Variants in CADPS2 observed in about 807,000 individuals in gnomAD.
The protein encoded by CADPS2 is calcium dependent secretion activator 2.
In CADPS2, 93 loss-of-function variants were observed where a neutral mutation model predicts 172.5. That is an observed-to-expected ratio of 0.54 (90% CI 0.46 to 0.64). The LOEUF (loss-of-function observed/expected upper bound fraction) is 0.64, where lower values mean the gene tolerates loss of function less well. Ranked by LOEUF, CADPS2 falls within the 30% of genes least tolerant of loss-of-function variation. The pLI, the probability that CADPS2 is intolerant of heterozygous loss-of-function variation, is 0.00. For missense variants in CADPS2, 1,420 were observed against 1,565.9 expected, an observed-to-expected ratio of 0.91 and a Z score of 1.57; for synonymous variants, 546 against 555.2, an observed-to-expected ratio of 0.98 and a Z score of 0.23.
chr7:122,525,190 C>T (rs529986479), intron 8 of CADPS2, among the ~76,000 whole-genome samples: 2 of 152,196 alleles, frequency 1.3e-5, no homozygotes, highest in Admixed American at 6.5e-5. Context: ...TGATCATAAT[C>T]TCCATGGACT....
In CADPS2 at chr7:122,712,027, T is replaced by A. The variant is rs574813393; in HGVS notation, c.453+24928A>T. Among the ~76,000 whole-genome samples the A allele has an allele frequency of 1.5e-4, 22 of 151,542 alleles. No homozygotes were observed. In the East Asian group the frequency reaches 2.7e-3, roughly 19 times the overall value. On this transcript the variant is annotated intron_variant, in intron 2 of 29. Transcript: ENST00000449022. ...CAGCATACATGTACATTTTTAAATT[T>A]AAAAAAAAACACTCTTGTATCTTTT...
intron 28 of CADPS2, among the ~76,000 whole-genome samples, chr7:122,339,692 G>T (rs530149457): frequency 1.3e-5 from 2 of 152,104 alleles, no homozygotes; most frequent in Non-Finnish European, 2.9e-5. Flanking sequence ...TTTCAGACTC[G>T]TCTGGCCAAC....
chr7:122,694,880 T>C (rs2084868152), intron 2 of CADPS2, among the ~76,000 whole-genome samples: 1 of 152,192 alleles, frequency 6.6e-6, no homozygotes, highest in African/African-American at 2.4e-5. Flanking sequence ...TCCTTCACAG[T>C]AGCAGCATGT....
At chr7:122,519,375 G>GAAC (rs746466223) in intron 8 of CADPS2, among the ~76,000 whole-genome samples, 30 of 151,852 alleles carry the variant, frequency 2.0e-4, no homozygotes, top group African/African-American at 3.4e-4. Context: ...TGTTCCCTTT[G>GAAC]AACAACAACA....
chr7:122,333,028 C>T (rs2035256987), intron 28 of CADPS2, among the ~76,000 whole-genome samples: 1 of 152,116 alleles, frequency 6.6e-6, no homozygotes, highest in African/African-American at 2.4e-5. Context: ...GGGATGCATA[C>T]TGGTTTGCCT....
chr7:122,441,377 A>C, intron 16 of CADPS2, 135 bp downstream of exon 16: 2 of 504,050 alleles, frequency 4.0e-6, no homozygotes, highest in Non-Finnish European at 7.0e-6. Flanking sequence ...TAGTAAGAAA[A>C]GGTGAGAAAC....
At chr7:122,687,083 C>G (rs973969070) in intron 2 of CADPS2, among the ~76,000 whole-genome samples, 26 of 152,300 alleles carry the variant, frequency 1.7e-4, no homozygotes, top group Middle Eastern at 3.4e-3. Flanking sequence ...AGCAGAAAGG[C>G]AGCCTACATC....
At chr7:122,623,417 A>G (rs768821873) in intron 4 of CADPS2, among the ~76,000 whole-genome samples, 9 of 152,188 alleles carry the variant, frequency 5.9e-5, no homozygotes, top group Non-Finnish European at 1.2e-4. Flanking sequence ...AGATCCTTTC[A>G]ATGTCGTATG....
rs1391067766 is a variant in CADPS2 at position 122,670,590 on chromosome 7, C to T, written c.454-7021G>A. 5.9e-5 allele frequency among the ~76,000 whole-genome samples: 9 copies of T among 151,934 alleles called. No homozygotes were observed. In the South Asian group the frequency reaches 6.2e-4, roughly 10 times the overall value. On this transcript the variant is annotated intron_variant, in intron 2 of 29. Transcript: ENST00000449022. ...TCAGCTCACTGCAACCTCTGCCTCC[C>T]GGGCTGAAGCAATTCTCTCACCTCA...
intron 7 of CADPS2, among the ~76,000 whole-genome samples, chr7:122,571,802 A>T (rs2067294564): frequency 6.6e-6 from 1 of 152,188 alleles, no homozygotes; most frequent in Admixed American, 6.6e-5. Flanking sequence ...ATGTAACTGG[A>T]CCACGGAATT....
intron 1 of CADPS2, among the ~76,000 whole-genome samples, chr7:122,792,455 C>T (rs1304712882): frequency 2.0e-5 from 3 of 152,130 alleles, no homozygotes; most frequent in African/African-American, 7.2e-5. Flanking sequence ...GAGGTGAAAT[C>T]TTCAGTACCT....
In CADPS2 at chr7:122,462,601, A is replaced by T. The variant is rs80201768; in HGVS notation, c.2186+8774T>A. 4.0e-3 allele frequency among the ~76,000 whole-genome samples: 612 copies of T among 152,358 alleles called. 4 individuals carry two copies. The highest frequency in any genetic ancestry group is 0.027 in the Middle Eastern group (8 of 294). On this transcript the variant is annotated intron_variant, in intron 14 of 29. Coordinates refer to ENST00000449022, the MANE Select transcript of CADPS2 (RefSeq NM_017954.11). ...ACAGAAATAGTCATATTGAAAAATT[A>T]AATCAAAATCTAGTTTGCTATTTAT... is the stretch of plus-strand genomic sequence containing the variant.
intron 1 of CADPS2, among the ~76,000 whole-genome samples, chr7:122,816,331 T>C (rs1310361714): frequency 6.6e-6 from 1 of 152,230 alleles, no homozygotes; most frequent in East Asian, 1.9e-4. Flanking sequence ...CTTAACATAA[T>C]GTCTTCCAGT....
At chr7:122,645,353 GTA>G (rs1205078736) in intron 3 of CADPS2, among the ~76,000 whole-genome samples, 1 of 102,970 alleles carries the variant, frequency 9.7e-6, no homozygotes, top group Non-Finnish European at 2.2e-5. Flanking sequence ...ACATGTGTGT[GTA>G]TACATGTACA....
chr7:122,685,941 C>G (rs1040951796), intron 2 of CADPS2, among the ~76,000 whole-genome samples: 1 of 152,176 alleles, frequency 6.6e-6, no homozygotes, highest in Non-Finnish European at 1.5e-5. Flanking sequence ...TTACCCTGAA[C>G]TTATTTTCAC....
At chr7:122,816,716 T>C (rs1461806381) in intron 1 of CADPS2, among the ~76,000 whole-genome samples, 3 of 152,222 alleles carry the variant, frequency 2.0e-5, no homozygotes, top group Non-Finnish European at 4.4e-5. Context: ...GTCTTTTTTG[T>C]AAAAGTCATT....
intron 18 of CADPS2, among the ~76,000 whole-genome samples, chr7:122,414,318 A>G (rs2047637849): frequency 6.6e-6 from 1 of 152,200 alleles, no homozygotes; most frequent in South Asian, 2.1e-4. Context: ...AGTGATTGCA[A>G]GAAGTATAAT....
At chr7:122,408,431 T>C (rs897132221) in intron 19 of CADPS2, among the ~76,000 whole-genome samples, 2 of 152,124 alleles carry the variant, frequency 1.3e-5, no homozygotes, top group Non-Finnish European at 1.5e-5. Flanking sequence ...CATCATTTCA[T>C]TTATTTTTTT....
At chr7:122,492,915 G>A (rs2129833675) in intron 9 of CADPS2, among the ~76,000 whole-genome samples, 1 of 152,140 alleles carries the variant, frequency 6.6e-6, no homozygotes, top group African/African-American at 2.4e-5. Context: ...CCTGGGCTTG[G>A]TTAATGTTAA....
Sources: gnomAD v4.1 joint callset for allele counts (sites outside exome capture counted in the v4.1 genomes callset) on GRCh38, gnomAD v4.1.1 for gene constraint, MANE v1.5 for transcripts, NCBI Gene and HGNC (gene_info 2026-07-23, HGNC 2026-07-21) for gene names.